The following RGMA variants were observed in gnomAD, a reference collection of about 807,000 sequenced individuals.
RGMA encodes repulsive guidance molecule BMP co-receptor a, also known as repulsive guidance molecule A.
RGMA carries 10 observed loss-of-function variants against 23.2 expected under a neutral mutation model. The ratio of observed to expected loss-of-function variants is 0.43; its 90% CI spans 0.27 to 0.73. The LOEUF is 0.73. Ranked by LOEUF, RGMA falls within the 30% of genes least tolerant of loss-of-function variation. The probability of loss-of-function intolerance (pLI) is 0.20; values close to 1 mark genes in which losing one functional copy is unlikely to be tolerated. For synonymous variants in RGMA, 308 were observed against 279.3 expected (o/e 1.10, Z -1.03); for missense variants, 547 against 630.5 (o/e 0.87, Z 1.42).
intron 3 of RGMA, 160 bp downstream of exon 3, chr15:93,051,833 C>T (rs1013929047): frequency 1.4e-6 from 1 of 740,316 alleles, no homozygotes. Context: ...GAAGCTGAGA[C>T]CCACCCCCTT....
chr15:93,082,368 C>A (rs1478045402), intron 1 of RGMA, among the ~76,000 whole-genome samples: 2 of 152,194 alleles, frequency 1.3e-5, no homozygotes, highest in Non-Finnish European at 2.9e-5. Flanking sequence ...AAAACTCCCC[C>A]ATGTAACCAG....
intron 1 of RGMA, chr15:93,073,533 A>T (rs1329111662): frequency 2.0e-6 from 3 of 1,467,648 alleles, no homozygotes; most frequent in African/African-American, 1.4e-5. Context: ...CAAGTAGAAA[A>T]ACTGTCCTTG....
intron 2 of RGMA, among the ~76,000 whole-genome samples, chr15:93,065,338 A>AGGGGAGGGGGTTGGTGTCTCTGAACAGT: frequency 6.7e-6 from 1 of 149,932 alleles, no homozygotes; most frequent in Admixed American, 6.7e-5. Context: ...AGCCTGAGTT[A>AGGGGAGGGGGTTGGTGTCTCTGAACAGT]GGGGAGGGGG....
Position 93,041,266 on chromosome 15 carries a change from G to C in RGMA, c.*3732C>G, listed in dbSNP as rs776504571. 1 of 152,184 alleles carries C rather than the reference G, an allele frequency of 6.6e-6. No homozygotes were observed. Among genetic ancestry groups the C allele is most frequent in the African/African-American group, 2.4e-5 (1 of 41,438 alleles). The allele number at this position is 152,184 out of a possible 1,614,324, so 9.4% of individuals were successfully genotyped here. On this transcript the variant is annotated 3_prime_UTR_variant, in exon 4 of 4. Coordinates refer to ENST00000329082, the MANE Select transcript of RGMA (RefSeq NM_020211.3). Reference sequence around the variant, plus strand: ...AACTCCAGTTCTCGGCAACACATCAGTGAGACAGGATGGGGCGGGGAGAGG... The same window carrying C: ...AACTCCAGTTCTCGGCAACACATCACTGAGACAGGATGGGGCGGGGAGAGG...
chr15:93,072,880 G>A (rs1361280907), intron 2 of RGMA, 36 bp downstream of exon 2: 1 of 1,573,482 alleles, frequency 6.4e-7, no homozygotes, highest in African/African-American at 1.4e-5. Flanking sequence ...GCGGCCCAGG[G>A]ACCCGGCCCC....
intron 2 of RGMA, chr15:93,066,427 G>A (rs1013743316): frequency 2.7e-5 from 17 of 640,390 alleles, no homozygotes; most frequent in Admixed American, 6.1e-5. Context: ...CAAGGCCGCC[G>A]TCGTTGCCAG....
chr15:93,069,615 C>T (rs77497577), intron 2 of RGMA, among the ~76,000 whole-genome samples: 2,408 of 152,292 alleles, frequency 0.016, 52 homozygotes, highest in African/African-American at 0.053. Context: ...CTTAGAACAG[C>T]GATCCTCAAA....
In RGMA at chr15:93,068,082, C is replaced by T. The variant is rs145511643; in HGVS notation, c.130+4834G>A. ...GTCCAGGGGACAGGAGAGGATAAAA[C>T]TAGGGTTTTAATCTAACTGTCCTGG... On this transcript the variant is annotated intron_variant, in intron 2 of 3. Coordinates refer to ENST00000329082, the MANE Select transcript of RGMA (RefSeq NM_020211.3). Among the ~76,000 whole-genome samples, 808 of 152,210 alleles carry T rather than the reference C, an allele frequency of 5.3e-3. 7 individuals carry two copies. The highest frequency in any genetic ancestry group is 4.7e-3 in the Non-Finnish European group (317 of 68,006).
At chr15:93,068,402 C>G (rs958622483) in intron 2 of RGMA, among the ~76,000 whole-genome samples, 25 of 143,336 alleles carry the variant, frequency 1.7e-4, no homozygotes, top group African/African-American at 5.9e-4. Context: ...CCTTCAGCCT[C>G]TTATCTTCCA....
rs75329370 is a variant in RGMA at position 93,042,986 on chromosome 15, CAT to C, written c.*2010_*2011del. The stretch of plus-strand genomic sequence containing the variant: ...GAGGGCACCATATGTCTCTCCACCA[CAT>C]AGTCACCTGTCTCCCTGACTGTGTT... On this transcript the variant is annotated 3_prime_UTR_variant, in exon 4 of 4. Transcript: ENST00000329082. The C allele has an allele frequency of 0.071, 10,807 of 152,322 alleles. 478 individuals are homozygous for C. Among genetic ancestry groups the C allele is most frequent in the African/African-American group, 0.12 (4,929 of 41,548 alleles). The allele number at this position is 152,322 out of a possible 1,614,324, so 9.4% of individuals were successfully genotyped here. A position where few individuals can be genotyped will look rare whatever the true frequency, so the allele number is the denominator to read the frequency against.
In RGMA at chr15:93,037,353, G is replaced by C. The variant is rs2054672331; in HGVS notation, c.*7645C>G. On this transcript the variant is annotated 3_prime_UTR_variant, in exon 4 of 4. Transcript: ENST00000329082. The surrounding 1 kb of genome is among the most constrained non-coding windows in gnomAD (Gnocchi z 4.3). ...CCCTTCCTTCGGTCTGGGTGTGTCT[G>C]TGCCCATGCCACTGTCCATCCCTGG... 6.6e-6 allele frequency: 1 copy of C among 152,298 alleles called. No homozygotes were observed. Among genetic ancestry groups the C allele is most frequent in the Non-Finnish European group, 1.5e-5 (1 of 68,132 alleles). The allele number at this position is 152,298 out of a possible 1,614,324, so 9.4% of individuals were successfully genotyped here. A position where few individuals can be genotyped will look rare whatever the true frequency, so the allele number is the denominator to read the frequency against.
intron 1 of RGMA, among the ~76,000 whole-genome samples, chr15:93,076,979 G>C (rs1214000177): frequency 6.6e-6 from 1 of 152,208 alleles, no homozygotes; most frequent in Non-Finnish European, 1.5e-5. Context: ...GCCCAGCTTG[G>C]GGTGCAGGGA....
intron 3 of RGMA, among the ~76,000 whole-genome samples, chr15:93,048,307 A>G (rs1378428025): frequency 6.6e-6 from 1 of 152,140 alleles, no homozygotes; most frequent in Non-Finnish European, 1.5e-5. Context: ...TGAAGAAGGA[A>G]AATGTGTTAG....
chr15:93,065,324 T>C (rs1054762810), intron 2 of RGMA, among the ~76,000 whole-genome samples: 1 of 151,240 alleles, frequency 6.6e-6, no homozygotes, highest in African/African-American at 2.4e-5. Flanking sequence ...GCTGGTTCCT[T>C]CTCAGCCTGA....
In RGMA at chr15:93,044,667, T is replaced by A. The variant is rs1203151740; in HGVS notation, c.*331A>T. The A allele has an allele frequency of 1.0e-5, 4 of 389,156 alleles. No individual in the cohort carries two copies. The highest frequency in any genetic ancestry group is 1.9e-5 in the Non-Finnish European group (4 of 213,032). The allele number at this position is 389,156 out of a possible 1,614,324, so 24.1% of individuals were successfully genotyped here. A position where few individuals can be genotyped will look rare whatever the true frequency, so the allele number is the denominator to read the frequency against. ...GCATTGCGAGGGGGAAGGAGCTGAC[T>A]CTGACGGTTCCCAGTGTGTCTCTGG... On this transcript the variant is annotated 3_prime_UTR_variant, in exon 4 of 4. Coordinates refer to ENST00000329082, the MANE Select transcript of RGMA (RefSeq NM_020211.3).
chr15:93,053,482 G>A (rs1223066227), intron 2 of RGMA, among the ~76,000 whole-genome samples: 4 of 152,202 alleles, frequency 2.6e-5, no homozygotes, highest in African/African-American at 9.7e-5. Flanking sequence ...GGTCTCCAGC[G>A]GGGAAAGGGA....
chr15:93,060,955 G>A (rs989676403), intron 2 of RGMA, among the ~76,000 whole-genome samples: 8 of 152,136 alleles, frequency 5.3e-5, no homozygotes, highest in African/African-American at 1.2e-4. Context: ...GCTTCCCTGC[G>A]CCACCTTCTT....
intron 1 of RGMA, among the ~76,000 whole-genome samples, chr15:93,080,749 C>CT (rs1391491905): frequency 3.3e-5 from 5 of 152,256 alleles, no homozygotes; most frequent in South Asian, 2.1e-4. Flanking sequence ...GTATGACCCT[C>CT]TTTCCTTCTT....
At position 93,071,388 on chromosome 15, in the gene RGMA, C is replaced by A. The variant is rs549075635; in HGVS notation, c.130+1528G>T. ...ACACTGGGGGTGAGGAGAGGGCACCCTGCTGTTTGATCCCCTGCGGAGGTT... is the reference window on the plus strand; with the variant it reads ...ACACTGGGGGTGAGGAGAGGGCACCATGCTGTTTGATCCCCTGCGGAGGTT... On this transcript the variant is annotated intron_variant, in intron 2 of 3. Transcript: ENST00000329082. 7.4e-4 allele frequency among the ~76,000 whole-genome samples: 113 copies of A among 152,302 alleles called. 1 individual carries two copies. Among genetic ancestry groups the A allele is most frequent in the African/African-American group, 2.6e-3 (109 of 41,556 alleles).
Sources: gnomAD v4.1 joint callset for allele counts (sites outside exome capture counted in the v4.1 genomes callset) on GRCh38, gnomAD v4.1.1 for gene constraint, Gnocchi (gnomAD v3.1) non-coding constraint, MANE v1.5 for transcripts, NCBI Gene and HGNC (gene_info 2026-07-23, HGNC 2026-07-21) for gene names.